PCDH15: variants seen among roughly 807,000 people sequenced by gnomAD.
The protein encoded by PCDH15 is protocadherin-15.
PCDH15 carries 129 observed loss-of-function variants against 178.5 expected under a neutral mutation model. The ratio of observed to expected loss-of-function variants is 0.72; its 90% CI spans 0.63 to 0.84. The LOEUF (loss-of-function observed/expected upper bound fraction) is 0.84. Ranked by LOEUF, PCDH15 falls within the 40% of genes least tolerant of loss-of-function variation. PCDH15 has a pLI of 0.00. For missense variants in PCDH15, 2,230 were observed against 2,099.9 expected (o/e 1.06, Z -1.21); for synonymous variants, 800 against 732.0 (o/e 1.09, Z -1.50).
chr10:55,110,897 A>G (rs974171872), intron 2 of PCDH15, among the ~76,000 whole-genome samples: 1 of 152,108 alleles, frequency 6.6e-6, no homozygotes, highest in Non-Finnish European at 1.5e-5. Flanking sequence ...GCATTGACTT[A>G]TTTTATATTT....
At chr10:54,140,254 T>C (rs970447859) in intron 14 of PCDH15, among the ~76,000 whole-genome samples, 2 of 152,222 alleles carry the variant, frequency 1.3e-5, no homozygotes, top group African/African-American at 2.4e-5. Context: ...CCAAATTTCA[T>C]AGTATATTTG....
chr10:54,194,610 A>ATATGTG (rs1554833243), intron 11 of PCDH15, among the ~76,000 whole-genome samples: 4 of 150,714 alleles, frequency 2.7e-5, no homozygotes, highest in Admixed American at 1.3e-4. Flanking sequence ...TTTTATATAT[A>ATATGTG]TGTGTGTGTG....
intron 2 of PCDH15, among the ~76,000 whole-genome samples, chr10:55,107,432 T>A (rs1360443690): frequency 6.6e-6 from 1 of 152,048 alleles, no homozygotes; most frequent in South Asian, 2.1e-4. Context: ...TATGAATTTT[T>A]ACCACAAATA....
intron 2 of PCDH15, chr10:54,600,112 C>A: frequency 1.1e-6 from 1 of 905,972 alleles, no homozygotes; most frequent in Non-Finnish European, 1.8e-6. Context: ...GGAAGAGAAA[C>A]CAATGGATGT....
chr10:54,837,165 A>C (rs142862582), intron 3 of PCDH15, among the ~76,000 whole-genome samples: 2 of 152,270 alleles, frequency 1.3e-5, no homozygotes, highest in African/African-American at 4.8e-5. Context: ...CCATCTTGAA[A>C]GTTTTTCAAA....
intron 27 of PCDH15, among the ~76,000 whole-genome samples, chr10:53,859,567 C>G (rs936088705): frequency 6.6e-6 from 1 of 152,018 alleles, no homozygotes; most frequent in African/African-American, 2.4e-5. Context: ...GAATTTTCCA[C>G]TGTCTCTTAT....
rs1033275506 is a variant in PCDH15 at position 54,875,005 on chromosome 10, A to G, written c.-29+22445T>C. Among the ~76,000 whole-genome samples, 8 of 152,246 alleles carry G rather than the reference A, an allele frequency of 5.3e-5. No homozygotes were observed. The South Asian group carries it at 1.2e-3, about 24-fold the overall frequency. Reference sequence around the variant, plus strand: ...TAAAAGGCTGGTTTACAGCCTATATACAAGCACGCTTCATTTTATTGTGGT... The same window carrying G: ...TAAAAGGCTGGTTTACAGCCTATATGCAAGCACGCTTCATTTTATTGTGGT... On this transcript the variant is annotated intron_variant, in intron 3 of 5. Coordinates refer to the PCDH15 transcript ENST00000458638.
intron 1 of PCDH15, among the ~76,000 whole-genome samples, chr10:55,210,561 G>T (rs996231333): frequency 1.4e-5 from 2 of 147,194 alleles, no homozygotes; most frequent in Admixed American, 6.8e-5. Flanking sequence ...AATTTTGCGG[G>T]GGGAAAAAAA....
At chr10:54,369,371 C>G in intron 4 of PCDH15, 96 bp from the exon 5 acceptor site, 1 of 1,104,056 alleles carries the variant, frequency 9.1e-7, no homozygotes, top group Non-Finnish European at 1.3e-6. Flanking sequence ...TTTTTCTATT[C>G]TTGTTTATTT....
chr10:55,411,890 ATAAAT>A (rs1441339231), intron 2 of PCDH15, among the ~76,000 whole-genome samples: 1 of 152,136 alleles, frequency 6.6e-6, no homozygotes, highest in Non-Finnish European at 1.5e-5. Flanking sequence ...GAAAAACAAG[ATAAAT>A]TAAGATAGAC....
chr10:55,284,884 C>T (rs1280103318), intron 1 of PCDH15, among the ~76,000 whole-genome samples: 2 of 151,790 alleles, frequency 1.3e-5, no homozygotes, highest in Non-Finnish European at 2.9e-5. Flanking sequence ...TAATGTTTGG[C>T]TTCTTCTGAA....
chr10:54,040,865 A>G (rs1334789297), intron 18 of PCDH15, among the ~76,000 whole-genome samples: 1 of 152,074 alleles, frequency 6.6e-6, no homozygotes, highest in Non-Finnish European at 1.5e-5. Flanking sequence ...ATAAATGATG[A>G]GCATGCCAAT....
rs142906572 is a variant in PCDH15 at position 54,614,127 on chromosome 10, T to G, written c.91+50045A>C. 3.3e-3 allele frequency among the ~76,000 whole-genome samples: 496 copies of G among 152,068 alleles called. 8 individuals carry two copies. Among genetic ancestry groups the G allele is most frequent in the African/African-American group, 0.012 (479 of 41,534 alleles). ...GCATATATATACACCCATATATGCA[T>G]ATACACTAGACCTATATGCACATAA... On this transcript the variant is annotated intron_variant, in intron 2 of 37. Transcript: ENST00000644397.
At chr10:53,847,159 C>G (rs2078028552) in intron 28 of PCDH15, among the ~76,000 whole-genome samples, 1 of 152,058 alleles carries the variant, frequency 6.6e-6, no homozygotes, top group Admixed American at 6.6e-5. Context: ...AAGGAGACTA[C>G]ACCCATTAAA....
intron 1 of PCDH15, among the ~76,000 whole-genome samples, chr10:54,747,341 A>C (rs1371666280): frequency 6.6e-6 from 1 of 152,150 alleles, no homozygotes; most frequent in African/African-American, 2.4e-5. Flanking sequence ...ATGCTTTCCT[A>C]CAAAATGTTT....
At chr10:54,773,075 C>A (rs1272761953) in intron 1 of PCDH15, among the ~76,000 whole-genome samples, 3 of 149,844 alleles carry the variant, frequency 2.0e-5, no homozygotes, top group Non-Finnish European at 3.0e-5. Context: ...ACATGGGGAA[C>A]AACACATACT....
At chr10:54,526,875 G>C (rs952660799) in intron 3 of PCDH15, among the ~76,000 whole-genome samples, 3 of 152,104 alleles carry the variant, frequency 2.0e-5, no homozygotes, top group Admixed American at 2.0e-4. Context: ...TGCAGGAATT[G>C]CCTATACAGG....
At chr10:54,570,833 T>TTTTC (rs2089734658) in intron 2 of PCDH15, among the ~76,000 whole-genome samples, 1 of 149,984 alleles carries the variant, frequency 6.7e-6, no homozygotes, top group Non-Finnish European at 1.5e-5. Flanking sequence ...TTTTTTCTTT[T>TTTTC]TTTTTTGTAT....
chr10:54,634,506 T>C (rs1437911815), intron 2 of PCDH15, among the ~76,000 whole-genome samples: 3 of 152,070 alleles, frequency 2.0e-5, no homozygotes, highest in African/African-American at 4.8e-5. Context: ...ACATGTATTT[T>C]CATTTTGGAA....
Sources: gnomAD v4.1 joint callset for allele counts (sites outside exome capture counted in the v4.1 genomes callset) on GRCh38, gnomAD v4.1.1 for gene constraint, MANE v1.5 for transcripts, NCBI Gene and HGNC (gene_info 2026-07-23, HGNC 2026-07-21) for gene names.